TFEC: variants seen among roughly 807,000 people sequenced by gnomAD.
TFEC encodes class E basic helix-loop-helix protein 34.
Under a neutral mutation model 41.6 loss-of-function variants are expected in TFEC, and 31 were observed. The ratio of observed to expected loss-of-function variants is 0.74; its 90% confidence interval spans 0.56 to 1.01. The LOEUF is 1.01. TFEC is among the 50% of genes least tolerant of loss of function. The pLI is 0.00. For missense variants in TFEC, 402 were observed against 404.1 expected (o/e 0.99, Z 0.04); for synonymous variants, 143 against 140.6 (o/e 1.02, Z -0.12).
chr7:115,999,118 AATATTG>A (rs1304451529), intron 1 of TFEC, among the ~76,000 whole-genome samples: 6 of 152,056 alleles, frequency 3.9e-5, no homozygotes, highest in Non-Finnish European at 5.9e-5. Context: ...AAATTTTAAA[AATATTG>A]ATATTATGTC....
rs192500547 is a variant in TFEC, at chr7:116,119,800, T to C, written c.-68-7762A>G. ...AGATATGGCTTAGGTTTATATACAA[T>C]AAAATTTATCATAGTCTTGTTTGAA... On this transcript the variant is annotated intron_variant, in intron 1 of 8. Coordinates refer to the TFEC transcript ENST00000484212. Among the ~76,000 whole-genome samples the C allele has an allele frequency of 1.1e-4, 17 of 151,890 alleles. No homozygotes were observed. In the East Asian group the frequency reaches 2.5e-3, roughly 22 times the overall value.
At chr7:115,995,756 AGT>A (rs560713854) in intron 1 of TFEC, among the ~76,000 whole-genome samples, 4 of 152,148 alleles carry the variant, frequency 2.6e-5, no homozygotes, top group Non-Finnish European at 5.9e-5. Flanking sequence ...GCTCGGAGAG[AGT>A]ATCTGTGCTC....
chr7:116,009,021 T>G (rs1794905259), intron 1 of TFEC, among the ~76,000 whole-genome samples: 1 of 152,192 alleles, frequency 6.6e-6, no homozygotes. Context: ...GCAGAGTTTT[T>G]CTAATTCAAT....
At chr7:116,030,473 A>G (rs1795751768) in intron 1 of TFEC, among the ~76,000 whole-genome samples, 160 bp downstream of exon 1, 1 of 152,200 alleles carries the variant, frequency 6.6e-6, no homozygotes, top group Non-Finnish European at 1.5e-5. Context: ...ATAGCAAATC[A>G]CAACTTGACT....
rs777981374 is a variant in TFEC, at chr7:115,940,672, A to G, written c.923T>C (p.Leu308Pro). Residue 308 changes from leucine to proline, a missense_variant, in exon 8 of 8, where the codon CTA (leucine) becomes CCA (proline). Coordinates refer to ENST00000265440, the MANE Select transcript of TFEC (RefSeq NM_012252.4). Reference sequence around the variant, plus strand: ...AAATGGAGAGATTGTGTCATCCAATAGCATGCCATCCAATCTTTGTTCCTC... The same window carrying G: ...AAATGGAGAGATTGTGTCATCCAATGGCATGCCATCCAATCTTTGTTCCTC... ...LKEEQRLDGM[L>P]LDDTISPFGT... 1 of 1,613,648 alleles carries G rather than the reference A, an allele frequency of 6.2e-7. No homozygotes were observed. The highest frequency in any genetic ancestry group is 8.5e-7 in the Non-Finnish European group (1 of 1,179,660).
chr7:115,948,378 G>T (rs981301487), intron 6 of TFEC, among the ~76,000 whole-genome samples: 2 of 151,762 alleles, frequency 1.3e-5, no homozygotes, highest in African/African-American at 4.8e-5. Context: ...TACCAAAGCC[G>T]GGCAGAGACA....
intron 3 of TFEC, among the ~76,000 whole-genome samples, chr7:116,048,579 T>G (rs932162586): frequency 1.3e-5 from 2 of 152,202 alleles, no homozygotes; most frequent in Admixed American, 6.5e-5. Context: ...CCAGGAGAAC[T>G]TCCCCAATCT....
chr7:116,154,662 T>C (rs977294769), intron 1 of TFEC, among the ~76,000 whole-genome samples: 1 of 152,180 alleles, frequency 6.6e-6, no homozygotes, highest in Non-Finnish European at 1.5e-5. Flanking sequence ...TATTAAGTAT[T>C]AATATTTGCA....
At chr7:116,031,634 A>C (rs1795786112), upstream of TFEC, among the ~76,000 whole-genome samples, 1 of 152,164 alleles carries the variant, frequency 6.6e-6, no homozygotes, top group Non-Finnish European at 1.5e-5. Context: ...CTGAAGTTTA[A>C]TGTGAAGGTT....
chr7:116,025,771 G>T (rs1481294908), intron 1 of TFEC, among the ~76,000 whole-genome samples: 1 of 152,164 alleles, frequency 6.6e-6, no homozygotes, highest in Non-Finnish European at 1.5e-5. Context: ...TCCATGTTCA[G>T]TTTAAGAGAG....
At chr7:115,979,918 A>T (rs1414662942) in intron 2 of TFEC, among the ~76,000 whole-genome samples, 1 of 152,134 alleles carries the variant, frequency 6.6e-6, no homozygotes, top group Non-Finnish European at 1.5e-5. Flanking sequence ...ATATTCTGTC[A>T]TCTGTTCATG....
chr7:116,080,189 T>C (rs1797055514), intron 3 of TFEC, among the ~76,000 whole-genome samples: 1 of 152,102 alleles, frequency 6.6e-6, no homozygotes, highest in Non-Finnish European at 1.5e-5. Flanking sequence ...TCAAGATGGA[T>C]CAAGGACTTA....
chr7:116,080,701 G>T (rs940438039), intron 3 of TFEC, among the ~76,000 whole-genome samples: 2 of 152,036 alleles, frequency 1.3e-5, no homozygotes, highest in African/African-American at 4.8e-5. Flanking sequence ...ATAGATGTTG[G>T]CATGGATGTG....
At chr7:115,974,759 T>C (rs552542806) in intron 2 of TFEC, among the ~76,000 whole-genome samples, 4 of 151,872 alleles carry the variant, frequency 2.6e-5, no homozygotes, top group Non-Finnish European at 5.9e-5. Context: ...CCCAGTACAT[T>C]CCTGTAGATA....
At chr7:116,023,250 C>T (rs910177265) in intron 1 of TFEC, among the ~76,000 whole-genome samples, 2 of 152,234 alleles carry the variant, frequency 1.3e-5, no homozygotes, top group Middle Eastern at 3.4e-3. Flanking sequence ...TTCTGCAGTG[C>T]CACTTTGGAT....
rs568597485 is a variant in TFEC at position 116,081,030 on chromosome 7, G to A, written c.198+29678C>T. Among the ~76,000 whole-genome samples, 297 of 147,424 alleles carry A rather than the reference G, an allele frequency of 2.0e-3. No individual in the cohort carries two copies. The Middle Eastern group carries it at 0.021, about 10-fold the overall frequency. ...GTGTGTGTGTGTATAAATATAAAAT[G>A]GAATACTACTCAGCCATAAAAATGA... is the stretch of plus-strand genomic sequence containing the variant. On this transcript the variant is annotated intron_variant, in intron 3 of 8. Transcript: ENST00000484212.
At chr7:115,983,198 T>G (rs13223657) in intron 2 of TFEC, among the ~76,000 whole-genome samples, 3 of 152,146 alleles carry the variant, frequency 2.0e-5, no homozygotes, top group Non-Finnish European at 4.4e-5. Context: ...TCCACTACTG[T>G]AAAGTTTGAG....
intron 5 of TFEC, among the ~76,000 whole-genome samples, chr7:115,954,176 T>A (rs558468790): frequency 6.0e-4 from 92 of 152,192 alleles, no homozygotes; most frequent in Non-Finnish European, 1.1e-3. Flanking sequence ...AGATAACATA[T>A]CATTAAGAAA....
At chr7:116,083,100 C>T (rs908229032) in intron 3 of TFEC, among the ~76,000 whole-genome samples, 16 of 151,512 alleles carry the variant, frequency 1.1e-4, no homozygotes, top group African/African-American at 2.7e-4. Context: ...TTAAGTACTA[C>T]GAAAATATTT....
Sources: gnomAD v4.1 joint callset for allele counts (sites outside exome capture counted in the v4.1 genomes callset) on GRCh38, gnomAD v4.1.1 for gene constraint, MANE v1.5 for transcripts, NCBI Gene and HGNC (gene_info 2026-07-23, HGNC 2026-07-21) for gene names.